Variants in MPP7 observed in about 807,000 individuals in gnomAD.
MPP7 encodes the protein MAGUK p55 subfamily member 7.
A neutral mutation model predicts 76.5 loss-of-function variants in MPP7; 60 were observed. The ratio of observed to expected loss-of-function variants is 0.78; its 90% CI spans 0.64 to 0.97. The LOEUF (loss-of-function observed/expected upper bound fraction) is 0.97. Among genes scored for constraint, MPP7 ranks in the 50% least tolerant of loss-of-function variants. The pLI, the probability that MPP7 is intolerant of heterozygous loss-of-function variation, is 0.00. For synonymous variants in MPP7, 237 were observed against 244.5 expected (o/e 0.97, Z 0.29); for missense variants, 641 against 694.0 (o/e 0.92, Z 0.86).
intron 2 of MPP7, among the ~76,000 whole-genome samples, chr10:28,208,361 A>T (rs1161937876): frequency 6.6e-6 from 1 of 152,176 alleles, no homozygotes; most frequent in Admixed American, 6.5e-5. Context: ...CTGGCATAGC[A>T]GGACTAAAAA....
chr10:28,114,917 G>A (rs1321396928), intron 11 of MPP7, among the ~76,000 whole-genome samples: 1 of 152,178 alleles, frequency 6.6e-6, no homozygotes, highest in Non-Finnish European at 1.5e-5. Flanking sequence ...AGTGTGAGCA[G>A]TAACAGTTAG....
chr10:28,114,705 G>A (rs1378957370), intron 11 of MPP7, among the ~76,000 whole-genome samples: 3 of 152,084 alleles, frequency 2.0e-5, no homozygotes, highest in Non-Finnish European at 4.4e-5. Flanking sequence ...CTAAAAGTCT[G>A]CAATAATCCG....
chr10:28,081,747 C>T (rs900024224), intron 12 of MPP7, among the ~76,000 whole-genome samples: 2 of 150,650 alleles, frequency 1.3e-5, no homozygotes, highest in Non-Finnish European at 2.9e-5. Flanking sequence ...GCTTTGGAAA[C>T]ACTGGGCAAA....
chr10:28,266,936 C>A (rs776728425), intron 1 of MPP7, among the ~76,000 whole-genome samples: 5 of 152,180 alleles, frequency 3.3e-5, no homozygotes, highest in Non-Finnish European at 7.3e-5. Flanking sequence ...AATATTTAAT[C>A]CAAGTGTGCT....
intron 12 of MPP7, among the ~76,000 whole-genome samples, chr10:28,070,738 G>C (rs1347384981): frequency 6.6e-6 from 1 of 152,164 alleles, no homozygotes; most frequent in Non-Finnish European, 1.5e-5. Flanking sequence ...GCATACAGTA[G>C]ATTCTGCGGA....
At chr10:28,083,173 A>G (rs956637193) in intron 12 of MPP7, among the ~76,000 whole-genome samples, 1 of 152,114 alleles carries the variant, frequency 6.6e-6, no homozygotes, top group African/African-American at 2.4e-5. Context: ...AGAGATGGGG[A>G]TTTCTCCACG....
chr10:28,303,945 TA>T (rs1310719996), upstream of MPP7, among the ~76,000 whole-genome samples: 3 of 151,968 alleles, frequency 2.0e-5, no homozygotes, highest in African/African-American at 7.3e-5. Context: ...GGAAGACTCT[TA>T]TAGGAAGAAT....
intron 1 of MPP7, chr10:28,254,847 A>C (rs1053578485): frequency 7.2e-5 from 11 of 152,210 alleles, no homozygotes; most frequent in African/African-American, 2.7e-4. Context: ...GACCTCAGTG[A>C]GAGCAGTTGA....
At chr10:28,205,202 G>T (rs1837912584) in intron 2 of MPP7, among the ~76,000 whole-genome samples, 1 of 152,118 alleles carries the variant, frequency 6.6e-6, no homozygotes, top group Admixed American at 6.5e-5. Context: ...GGAGCCACCA[G>T]GCCAGAGCCG....
At chr10:28,177,257 A>C (rs1403795359) in intron 3 of MPP7, among the ~76,000 whole-genome samples, 1 of 105,568 alleles carries the variant, frequency 9.5e-6, no homozygotes, top group Non-Finnish European at 2.0e-5. Context: ...TCTACTAAAA[A>C]TGCAAAAAAA....
chr10:28,288,380 C>A (rs879534502), intron 1 of MPP7, among the ~76,000 whole-genome samples: 4 of 152,062 alleles, frequency 2.6e-5, no homozygotes, highest in Non-Finnish European at 5.9e-5. Context: ...GCTAGGACCA[C>A]AAGTGCACAC....
chr10:28,106,274 G>A (rs185037485), intron 11 of MPP7, among the ~76,000 whole-genome samples: 10 of 152,210 alleles, frequency 6.6e-5, no homozygotes, highest in Admixed American at 5.2e-4. Context: ...ATTACCTCTC[G>A]CTACTAAAAG....
chr10:28,209,128 C>G (rs1380075215), intron 2 of MPP7, among the ~76,000 whole-genome samples: 3 of 152,138 alleles, frequency 2.0e-5, no homozygotes, highest in Non-Finnish European at 4.4e-5. Flanking sequence ...TGCTCCTGTA[C>G]AGCCTGCAGA....
At chr10:28,216,564 T>A (rs890802513) in intron 2 of MPP7, among the ~76,000 whole-genome samples, 18 of 152,168 alleles carry the variant, frequency 1.2e-4, no homozygotes, top group African/African-American at 4.3e-4. Flanking sequence ...TAGACAATGT[T>A]TCAAGTGATA....
intron 11 of MPP7, among the ~76,000 whole-genome samples, chr10:28,113,424 G>T (rs1834565712): frequency 6.6e-6 from 1 of 152,178 alleles, no homozygotes; most frequent in African/African-American, 2.4e-5. Flanking sequence ...TGTCTCACCT[G>T]CCCAGCACAC....
chr10:28,298,607 G>A (rs1841084326), intron 1 of MPP7, among the ~76,000 whole-genome samples: 1 of 152,204 alleles, frequency 6.6e-6, no homozygotes, highest in African/African-American at 2.4e-5. Context: ...TTTTGGAATG[G>A]TAGATGAGCA....
intron 11 of MPP7, among the ~76,000 whole-genome samples, chr10:28,092,577 C>A (rs915593369): frequency 2.5e-5 from 3 of 121,108 alleles, no homozygotes; most frequent in African/African-American, 9.7e-5. Flanking sequence ...GAAAAGGGAC[C>A]TTTTTTTTTT....
At chr10:28,306,803 A>G (rs1011475129), upstream of MPP7, among the ~76,000 whole-genome samples, 1 of 152,218 alleles carries the variant, frequency 6.6e-6, no homozygotes, top group Non-Finnish European at 1.5e-5. Context: ...GGCAAAAATA[A>G]GTTAGTCCTC....
chr10:28,062,973 AAAAG>A (rs1398928279), intron 13 of MPP7, among the ~76,000 whole-genome samples: 10 of 152,340 alleles, frequency 6.6e-5, no homozygotes, highest in African/African-American at 9.6e-5. Context: ...TACAAAACAT[AAAAG>A]AAAGATTGAT....
Sources: allele counts gnomAD v4.1 joint callset (sites outside exome capture counted in the v4.1 genomes callset), GRCh38; gene constraint gnomAD v4.1.1; transcripts MANE v1.5; gene names NCBI Gene and HGNC (gene_info 2026-07-23, HGNC 2026-07-21).